Variants in SDK1 observed in about 807,000 individuals in gnomAD.
The protein encoded by SDK1 is protein sidekick-1.
Under a neutral mutation model 245.5 loss-of-function variants are expected in SDK1, and 157 were observed. The observed-to-expected ratio is 0.64, with a 90% CI of 0.56 to 0.73. The LOEUF is 0.73. SDK1 is among the 30% of genes least tolerant of loss of function. The probability of loss-of-function intolerance (pLI) is 0.00; values close to 1 mark genes in which losing one functional copy is unlikely to be tolerated. For synonymous variants in SDK1, 1,647 were observed against 1,278.5 expected, an observed-to-expected ratio of 1.29 and a Z score of -6.15; for missense variants, 3,583 against 3,002.3, an observed-to-expected ratio of 1.19 and a Z score of -4.52.
At chr7:3,358,096 A>G (rs1780854936) in intron 1 of SDK1, among the ~76,000 whole-genome samples, 2 of 151,996 alleles carry the variant, frequency 1.3e-5, no homozygotes, top group Admixed American at 6.6e-5. Flanking sequence ...ATCTCGGCTC[A>G]CTGCAACCTC....
intron 2 of SDK1, among the ~76,000 whole-genome samples, chr7:3,624,679 A>G (rs926115760): frequency 1.3e-5 from 2 of 152,182 alleles, no homozygotes; most frequent in Admixed American, 6.5e-5. Context: ...CATAATAAGT[A>G]ACATGTTAAT....
intron 1 of SDK1, among the ~76,000 whole-genome samples, chr7:3,416,551 A>T (rs1365741373): frequency 2.0e-5 from 3 of 149,010 alleles, no homozygotes; most frequent in African/African-American, 7.5e-5. Context: ...TGCTGTCTTC[A>T]GGCAATAAGG....
intron 13 of SDK1, among the ~76,000 whole-genome samples, chr7:3,979,376 T>G (rs1035396343): frequency 1.2e-4 from 19 of 152,338 alleles, no homozygotes; most frequent in African/African-American, 4.3e-4. Flanking sequence ...GGCTGGGAAC[T>G]TTCTAGCCCT....
rs1327573199 is a variant in SDK1 at position 3,813,716 on chromosome 7, A to C, written c.714-7734A>C. 8.2e-5 allele frequency among the ~76,000 whole-genome samples: 10 copies of C among 122,058 alleles called. 1 individual carries two copies. In the Admixed American group the frequency reaches 8.3e-4, roughly 10 times the overall value. The allele number at this position is 122,058 out of a possible 152,430, so 80.1% of individuals were successfully genotyped here. A position where few individuals can be genotyped will look rare whatever the true frequency, so the allele number is the denominator to read the frequency against. ...ACTTCCACAATGGTTGAACTAGTTT[A>C]CAGTCCCACCAACAGTGTAAAAGTG... On this transcript the variant is annotated intron_variant, in intron 4 of 44. Coordinates refer to ENST00000404826, the MANE Select transcript of SDK1 (RefSeq NM_152744.4).
chr7:3,609,958 C>T (rs1307230481), intron 1 of SDK1, among the ~76,000 whole-genome samples: 1 of 152,164 alleles, frequency 6.6e-6, no homozygotes, highest in African/African-American at 2.4e-5. Context: ...ACCTCAGCCT[C>T]CCAAAGTGCT....
chr7:4,148,058 C>T (rs1049249605), intron 29 of SDK1, among the ~76,000 whole-genome samples: 1 of 152,062 alleles, frequency 6.6e-6, no homozygotes, highest in Non-Finnish European at 1.5e-5. Context: ...ATCCTCCATC[C>T]TCGTGGCTCA....
chr7:3,426,884 T>G (rs932327941), intron 1 of SDK1, among the ~76,000 whole-genome samples: 1 of 152,212 alleles, frequency 6.6e-6, no homozygotes, highest in Non-Finnish European at 1.5e-5. Context: ...CTGTCATCCT[T>G]AAGGAATTTA....
intron 2 of SDK1, 35 bp downstream of exon 2, chr7:3,619,274 C>T (rs374296421): frequency 1.5e-5 from 24 of 1,578,084 alleles, no homozygotes; most frequent in South Asian, 7.8e-5. Context: ...GATCCCATTT[C>T]AGTTGATGTG....
chr7:3,374,352 A>T (rs1399269619), intron 1 of SDK1, among the ~76,000 whole-genome samples: 1 of 152,208 alleles, frequency 6.6e-6, no homozygotes, highest in Admixed American at 6.5e-5. Context: ...CTGTCATCAG[A>T]TGCTGTGGTT....
intron 1 of SDK1, among the ~76,000 whole-genome samples, chr7:3,328,022 T>G (rs35785661): frequency 6.6e-6 from 1 of 151,916 alleles, no homozygotes. Context: ...CTGTGAAAAT[T>G]AGATTACTAT....
At position 4,070,931 on chromosome 7, in the gene SDK1, C is replaced by T. The variant is rs772943447; in HGVS notation, c.3010+2995C>T. Among the ~76,000 whole-genome samples the T allele has an allele frequency of 7.9e-5, 12 of 151,592 alleles. No individual in the cohort carries two copies. In the East Asian group the frequency reaches 9.9e-4, roughly 12 times the overall value. On this transcript the variant is annotated intron_variant, in intron 20 of 44. Coordinates refer to ENST00000404826, the MANE Select transcript of SDK1 (RefSeq NM_152744.4). ...TTCACCATGTTAGCCAGGATGGTCT[C>T]GATCTCCTGACCTCGTGATCCACCC... is the stretch of plus-strand genomic sequence containing the variant.
chr7:3,857,392 C>G (rs1406263019), intron 5 of SDK1, among the ~76,000 whole-genome samples: 1 of 152,086 alleles, frequency 6.6e-6, no homozygotes, highest in African/African-American at 2.4e-5. Context: ...GCGTAGAAAA[C>G]CTAAGACAGG....
chr7:4,089,579 G>A lies in SDK1; in HGVS notation c.3324+9995G>A, dbSNP rs895832164. Among the ~76,000 whole-genome samples the A allele has an allele frequency of 2.0e-5, 3 of 152,274 alleles. No individual in the cohort carries two copies. In the East Asian group the frequency reaches 5.8e-4, roughly 29 times the overall value. ...TTGCCCCTTCCCCAGGCCTGTGTTGGTTGCACACCTCCCTGGGCTGTCTCT... is the reference window on the plus strand; with the variant it reads ...TTGCCCCTTCCCCAGGCCTGTGTTGATTGCACACCTCCCTGGGCTGTCTCT... On this transcript the variant is annotated intron_variant, in intron 22 of 44. Transcript: ENST00000404826.
intron 44 of SDK1, among the ~76,000 whole-genome samples, chr7:4,263,365 C>T (rs986482177): frequency 6.0e-5 from 9 of 151,258 alleles, no homozygotes; most frequent in South Asian, 2.1e-4. Flanking sequence ...GGGGAGGCTG[C>T]GTAGACCTCT....
intron 13 of SDK1, among the ~76,000 whole-genome samples, chr7:3,982,338 C>T (rs1783473277): frequency 6.6e-6 from 1 of 152,162 alleles, no homozygotes; most frequent in Non-Finnish European, 1.5e-5. Flanking sequence ...TGGGAATGTA[C>T]AAGGAGATGA....
intron 4 of SDK1, among the ~76,000 whole-genome samples, chr7:3,659,159 T>C (rs931353116): frequency 6.6e-6 from 1 of 152,202 alleles, no homozygotes; most frequent in Non-Finnish European, 1.5e-5. Context: ...TCATTAAATA[T>C]TTCACCGGGT....
At chr7:3,479,421 CAAAAAAAAAAAAAA>C (rs56094646) in intron 1 of SDK1, among the ~76,000 whole-genome samples, 2 of 66,574 alleles carry the variant, frequency 3.0e-5, no homozygotes, top group African/African-American at 6.4e-5. Context: ...GACTGTGTCT[CAAAAAAAAAAAAAA>C]AAAAAAAAAG....
At chr7:4,030,955 G>A (rs1273763351) in intron 17 of SDK1, among the ~76,000 whole-genome samples, 1 of 152,114 alleles carries the variant, frequency 6.6e-6, no homozygotes, top group Non-Finnish European at 1.5e-5. Flanking sequence ...ACTTAGATTT[G>A]TTACATAAAC....
intron 1 of SDK1, among the ~76,000 whole-genome samples, chr7:3,321,761 CCCTT>C (rs1281443297): frequency 4.7e-5 from 4 of 85,626 alleles, no homozygotes; most frequent in Non-Finnish European, 8.4e-5. Context: ...TCCCCTCCCT[CCCTT>C]CCTTCCTTCC....
Sources: allele counts gnomAD v4.1 joint callset (sites outside exome capture counted in the v4.1 genomes callset), GRCh38; gene constraint gnomAD v4.1.1; transcripts MANE v1.5; gene names NCBI Gene and HGNC (gene_info 2026-07-23, HGNC 2026-07-21).